The following PEPD variants were observed in gnomAD, a reference collection of about 807,000 sequenced individuals.
PEPD encodes peptidase D.
PEPD carries 53 observed loss-of-function variants against 60.7 expected under a neutral mutation model. That is an observed-to-expected ratio of 0.87 (90% CI 0.70 to 1.10). The LOEUF is 1.10. PEPD is among the 50% of genes least tolerant of loss of function. The pLI, the probability that PEPD is intolerant of heterozygous loss-of-function variation, is 0.00. For synonymous variants in PEPD, 267 were observed against 284.1 expected (o/e 0.94, Z 0.60); for missense variants, 711 against 711.9 (o/e 1.00, Z 0.01).
At chr19:33,439,734 G>A (rs961083050) in intron 9 of PEPD, among the ~76,000 whole-genome samples, 2 of 152,216 alleles carry the variant, frequency 1.3e-5, no homozygotes, top group South Asian at 2.1e-4. Flanking sequence ...TCCCCAGCTC[G>A]TGTGGGGTGG....
At position 33,414,636 on chromosome 19, in the gene PEPD, G is replaced by A. The variant is rs1055199409; in HGVS notation, c.672-993C>T. Among the ~76,000 whole-genome samples, 25 of 137,958 alleles carry A rather than the reference G, an allele frequency of 1.8e-4. 1 individual carries two copies. The highest frequency in any genetic ancestry group is 9.8e-4 in the Admixed American group (12 of 12,268). The allele number at this position is 137,958 out of a possible 152,430, so 90.5% of individuals were successfully genotyped here. On this transcript the variant is annotated intron_variant, in intron 9 of 14. Coordinates refer to ENST00000244137, the MANE Select transcript of PEPD (RefSeq NM_000285.4). Reference sequence around the variant, plus strand: ...AGTCGTTGCGGCCGCCCAAGGGCACGCCACATGGCGGTCCTGCCCTGCACG... The same window carrying A: ...AGTCGTTGCGGCCGCCCAAGGGCACACCACATGGCGGTCCTGCCCTGCACG...
At position 33,413,618 on chromosome 19, in the gene PEPD, G is replaced by C; in HGVS notation, c.697C>G (p.Arg233Gly). 2.5e-6 allele frequency: 4 copies of C among 1,588,512 alleles called. No individual in the cohort carries two copies. Among genetic ancestry groups the C allele is most frequent in the Non-Finnish European group, 3.4e-6 (4 of 1,166,944 alleles). ...ESLFEHYCYS[R>G]GGMRHSSYTC... ...TAGGAGCTGTGGCGCATGCCGCCCC[G>C]GGAGTAGCAGTAGTGCTCGAAGAGG... The change falls in exon 10 of 15, where the codon CGG becomes GGG. Residue 233 changes from arginine (R) to glycine (G), a missense_variant. Arg to Gly is a moderately radical substitution (Grantham distance 125). Transcript: ENST00000244137.
intron 4 of PEPD, among the ~76,000 whole-genome samples, chr19:33,496,278 T>C (rs1277219971): frequency 6.6e-6 from 1 of 152,148 alleles, no homozygotes; most frequent in East Asian, 1.9e-4. Flanking sequence ...GGGCGACGAC[T>C]CTCAGGACAT....
chr19:33,408,171 A>G (rs1259250601), intron 11 of PEPD, among the ~76,000 whole-genome samples: 2 of 152,226 alleles, frequency 1.3e-5, no homozygotes, highest in African/African-American at 4.8e-5. Context: ...ATCATGGAGG[A>G]CACTTTTGGG....
chr19:33,400,525 C>A (rs572079646), intron 12 of PEPD, among the ~76,000 whole-genome samples: 2 of 152,238 alleles, frequency 1.3e-5, no homozygotes, highest in East Asian at 3.9e-4. Flanking sequence ...GCAGGGAAAG[C>A]CCCTCTGCGC....
At chr19:33,418,102 T>C (rs935177070) in intron 9 of PEPD, among the ~76,000 whole-genome samples, 5 of 152,172 alleles carry the variant, frequency 3.3e-5, no homozygotes, top group Admixed American at 6.5e-5. Flanking sequence ...CGCCCAGGAC[T>C]GGGGCACATA....
chr19:33,421,845 G>A (rs964746460), intron 9 of PEPD, among the ~76,000 whole-genome samples: 4 of 151,972 alleles, frequency 2.6e-5, no homozygotes, highest in African/African-American at 4.8e-5. Context: ...CCACTTCTCC[G>A]CACCACCACA....
chr19:33,508,391 A>G (rs77232926), intron 3 of PEPD, among the ~76,000 whole-genome samples: 1,902 of 152,324 alleles, frequency 0.012, 43 homozygotes, highest in African/African-American at 0.043. Flanking sequence ...CAGAAAGCAG[A>G]CCTAAACTCT....
intron 9 of PEPD, among the ~76,000 whole-genome samples, chr19:33,448,451 G>A (rs758911472): frequency 3.3e-5 from 5 of 152,194 alleles, no homozygotes; most frequent in Non-Finnish European, 5.9e-5. Flanking sequence ...TTAGAGTGGG[G>A]GACCAGCTCC....
At chr19:33,520,836 A>G (rs1308301403) in intron 1 of PEPD, among the ~76,000 whole-genome samples, 1 of 152,008 alleles carries the variant, frequency 6.6e-6, no homozygotes, top group African/African-American at 2.4e-5. Flanking sequence ...TTGAACTCAC[A>G]CATAGCTCAG....
chr19:33,399,716 G>A (rs996779641), intron 12 of PEPD, among the ~76,000 whole-genome samples: 1 of 152,166 alleles, frequency 6.6e-6, no homozygotes. Flanking sequence ...CTGCTCAGTC[G>A]ACCGCCGAGC....
intron 6 of PEPD, among the ~76,000 whole-genome samples, chr19:33,488,223 G>A (rs532728104): frequency 6.6e-6 from 1 of 152,256 alleles, no homozygotes; most frequent in Non-Finnish European, 1.5e-5. Context: ...GAGGCACAGA[G>A]GAGCAATGGG....
chr19:33,416,959 C>T (rs1968903310), intron 9 of PEPD, among the ~76,000 whole-genome samples: 1 of 152,222 alleles, frequency 6.6e-6, no homozygotes, highest in African/African-American at 2.4e-5. Flanking sequence ...ATGGGGTCCC[C>T]AGAGACGGCG....
chr19:33,391,272 C>T (rs1390654164), intron 13 of PEPD, 23 bp downstream of exon 13: 3 of 1,589,742 alleles, frequency 1.9e-6, no homozygotes, highest in Non-Finnish European at 2.6e-6. Flanking sequence ...GCAGGCCACT[C>T]CGCCTGCCAT....
intron 6 of PEPD, chr19:33,487,361 C>A (rs1254595445): frequency 6.6e-6 from 1 of 152,348 alleles, no homozygotes; most frequent in Non-Finnish European, 1.5e-5. Context: ...TAGGGGGCAC[C>A]AGCCAGAGCT....
chr19:33,492,081 C>CTTTGGGGG (rs1266001816), intron 5 of PEPD, among the ~76,000 whole-genome samples: 1 of 150,086 alleles, frequency 6.7e-6, no homozygotes, highest in African/African-American at 2.5e-5. Flanking sequence ...GGAAGGGTCA[C>CTTTGGGGG]TTTGGGGGGA....
rs957229698 is a variant in PEPD, at chr19:33,463,166, G to A, written c.625-125C>T. ...AAAAAGGAAAAAAAGAATGATATGT[G>A]CATGCAGTGGTACAGACATGTGACA... On this transcript the variant is annotated intron_variant, in intron 8 of 14. Transcript: ENST00000244137. The A allele has an allele frequency of 9.2e-6, 7 of 762,500 alleles. No homozygotes were observed. In the South Asian group the frequency reaches 9.6e-5, roughly 10 times the overall value. The allele number at this position is 762,500 out of a possible 1,614,324, so 47.2% of individuals were successfully genotyped here. A position where few individuals can be genotyped will look rare whatever the true frequency, so the allele number is the denominator to read the frequency against.
Position 33,387,887 on chromosome 19 carries a change from C to A in PEPD, c.1344+3G>T. ...AGCAAGAATGGGGCCCGTGGGCACT[C>A]ACCCCGCCAAAACCGCGAAAGCGCT... On this transcript the variant is annotated splice_donor_region_variant and intron_variant, in intron 14 of 14. Coordinates refer to ENST00000244137, the MANE Select transcript of PEPD (RefSeq NM_000285.4). The A allele has an allele frequency of 6.4e-7, 1 of 1,559,030 alleles. No individual in the cohort carries two copies. Among genetic ancestry groups the A allele is most frequent in the Non-Finnish European group, 8.7e-7 (1 of 1,152,062 alleles).
chr19:33,430,476 T>C (rs1857908680), intron 9 of PEPD, among the ~76,000 whole-genome samples: 2 of 152,124 alleles, frequency 1.3e-5, no homozygotes. Context: ...GCAAAAACTC[T>C]GCCCAGTGTG....
Sources: gnomAD v4.1 joint callset for allele counts (sites outside exome capture counted in the v4.1 genomes callset) on GRCh38, gnomAD v4.1.1 for gene constraint, MANE v1.5 for transcripts, NCBI Gene and HGNC (gene_info 2026-07-23, HGNC 2026-07-21) for gene names.